Variants in PSD3 observed in about 807,000 individuals in gnomAD.
PSD3 encodes the protein PH and SEC7 domain-containing protein 3.
A neutral mutation model predicts 105.5 loss-of-function variants in PSD3; 49 were observed. The ratio of observed to expected loss-of-function variants is 0.46; its 90% CI spans 0.37 to 0.59. The LOEUF is 0.59. Ranked by LOEUF, PSD3 falls within the 20% of genes least tolerant of loss-of-function variation. The pLI, the probability that PSD3 is intolerant of heterozygous loss-of-function variation, is 0.00. For synonymous variants in PSD3, 557 were observed against 457.8 expected, an observed-to-expected ratio of 1.22 and a Z score of -2.77; for missense variants, 1,561 against 1,263.8, an observed-to-expected ratio of 1.24 and a Z score of -3.57.
chr8:18,767,807 G>C (rs887421556), intron 8 of PSD3, among the ~76,000 whole-genome samples: 6 of 151,894 alleles, frequency 4.0e-5, no homozygotes, highest in South Asian at 2.1e-4. Context: ...AAATATACCT[G>C]CATACACTAC....
intron 2 of PSD3, among the ~76,000 whole-genome samples, chr8:18,894,509 TGTCAGTAATTTA>T (rs1310610745): frequency 6.6e-6 from 1 of 152,098 alleles, no homozygotes; most frequent in Admixed American, 6.6e-5. Flanking sequence ...AAGCAAAAGA[TGTCAGTAATTTA>T]GTCCATTCAG....
chr8:18,934,135 T>C (rs376269528), intron 2 of PSD3, among the ~76,000 whole-genome samples: 29 of 152,342 alleles, frequency 1.9e-4, no homozygotes, highest in African/African-American at 6.5e-4. Context: ...TCAAATATTC[T>C]GGAGTTATTA....
chr8:19,084,658 G>C, exon 1 of PSD3: 1 of 340,282 alleles, frequency 2.9e-6, no homozygotes, highest in South Asian at 2.2e-5. Flanking sequence ...TCCGGATCCT[G>C]GGATTTTTTC....
chr8:18,950,742 A>G (rs753350312), intron 1 of PSD3, among the ~76,000 whole-genome samples: 3 of 152,142 alleles, frequency 2.0e-5, no homozygotes, highest in Non-Finnish European at 2.9e-5. Flanking sequence ...TTATATATAC[A>G]TAATATAAAA....
chr8:18,917,842 T>G (rs1358837322), intron 2 of PSD3, among the ~76,000 whole-genome samples: 1 of 152,186 alleles, frequency 6.6e-6, no homozygotes, highest in African/African-American at 2.4e-5. Flanking sequence ...ACATACAAGC[T>G]GTGAATCATC....
intron 1 of PSD3, among the ~76,000 whole-genome samples, chr8:19,008,138 C>A (rs1369500691): frequency 6.6e-6 from 1 of 152,210 alleles, no homozygotes; most frequent in Non-Finnish European, 1.5e-5. Flanking sequence ...GCCATGGCGC[C>A]CGGCCAAGGG....
chr8:18,956,201 G>C (rs969991399), intron 1 of PSD3, among the ~76,000 whole-genome samples: 5 of 152,220 alleles, frequency 3.3e-5, no homozygotes, highest in African/African-American at 1.2e-4. Flanking sequence ...CTTAGAAAAT[G>C]AGAGCTAGGC....
chr8:18,803,618 G>A (rs1324026003), intron 6 of PSD3, among the ~76,000 whole-genome samples: 1 of 152,040 alleles, frequency 6.6e-6, no homozygotes, highest in African/African-American at 2.4e-5. Flanking sequence ...AGAACGGGAA[G>A]ACATTCTGAT....
intron 9 of PSD3, chr8:18,733,105 A>G (rs1250623456): frequency 6.6e-6 from 1 of 152,174 alleles, no homozygotes; most frequent in Non-Finnish European, 1.5e-5. Context: ...AAGAGAACAA[A>G]TGAAGGAGAA....
chr8:18,538,559 T>G (rs983417063), intron 15 of PSD3, among the ~76,000 whole-genome samples: 5 of 152,084 alleles, frequency 3.3e-5, no homozygotes, highest in African/African-American at 1.2e-4. Flanking sequence ...AAAGGTAAGT[T>G]TAAAAATAGA....
chr8:18,606,002 CG>C (rs1804799117), intron 11 of PSD3, among the ~76,000 whole-genome samples: 1 of 152,136 alleles, frequency 6.6e-6, no homozygotes, highest in Non-Finnish European at 1.5e-5. Flanking sequence ...TATCCAGTCT[CG>C]GGTATTTCTT....
intron 8 of PSD3, among the ~76,000 whole-genome samples, chr8:18,795,570 T>C (rs1460039469): frequency 6.6e-6 from 1 of 152,244 alleles, no homozygotes; most frequent in Admixed American, 6.5e-5. Flanking sequence ...TGTGACTTTC[T>C]AGTTGTGGAA....
At chr8:18,709,294 C>G (rs1802096084) in intron 9 of PSD3, among the ~76,000 whole-genome samples, 1 of 152,154 alleles carries the variant, frequency 6.6e-6, no homozygotes, top group African/African-American at 2.4e-5. Flanking sequence ...CAGGGTCTCC[C>G]CACATGAATT....
At chr8:19,062,039 G>C (rs1042931780) in intron 1 of PSD3, among the ~76,000 whole-genome samples, 6 of 152,106 alleles carry the variant, frequency 3.9e-5, no homozygotes, top group Non-Finnish European at 8.8e-5. Flanking sequence ...CAATGAAACT[G>C]TGAACTCTTT....
Position 18,804,536 on chromosome 8 carries a change from C to T in PSD3, c.1896G>A (p.Leu632=). ...CTTAGTCATACCTGAGTGACTGATC[C>T]AGCGTCATTCCTGTAAAATCAAAAA... ...LKFFDFTGMT[L]DQSLRYFFKA... is the part of the protein sequence containing the mutation. Residue 632 remains leucine, a synonymous_variant, in exon 6 of 16, where the codon CTG becomes CTA. Transcript: ENST00000327040. 6.2e-7 allele frequency: 1 copy of T among 1,611,366 alleles called. No homozygotes were observed. Among genetic ancestry groups the T allele is most frequent in the South Asian group, 1.1e-5 (1 of 90,972 alleles).
chr8:18,875,211 A>C lies in PSD3; in HGVS notation c.131-2478T>G, dbSNP rs148117388. Among the ~76,000 whole-genome samples, 848 of 152,124 alleles carry C rather than the reference A, an allele frequency of 5.6e-3. 8 individuals are homozygous for C. The highest frequency in any genetic ancestry group is 0.019 in the African/African-American group (800 of 41,484). On this transcript the variant is annotated intron_variant, in intron 2 of 15. Coordinates refer to ENST00000327040, the MANE Select transcript of PSD3 (RefSeq NM_015310.4). The stretch of plus-strand genomic sequence containing the variant: ...CACATGAGCCACCATGCCTGGCCTG[A>C]AATATATTCTTAAAATTAAATCTGA...
rs1179192463 is a variant in PSD3, at chr8:18,652,323, G to A, written c.2216+3319C>T. Reference sequence around the variant, plus strand: ...AGAGTGAATTGCAATTGCTGAGGAGGAGACTACATTGGAAGAAGACAATTC... The same window carrying A: ...AGAGTGAATTGCAATTGCTGAGGAGAAGACTACATTGGAAGAAGACAATTC... On this transcript the variant is annotated intron_variant, in intron 10 of 15. Coordinates refer to ENST00000327040, the MANE Select transcript of PSD3 (RefSeq NM_015310.4). Among the ~76,000 whole-genome samples, 4 of 152,176 alleles carry A rather than the reference G, an allele frequency of 2.6e-5. No homozygotes were observed. In the East Asian group the frequency reaches 5.8e-4, roughly 22 times the overall value.
chr8:18,915,396 G>A (rs1055191491), intron 2 of PSD3, among the ~76,000 whole-genome samples: 1 of 152,072 alleles, frequency 6.6e-6, no homozygotes, highest in South Asian at 2.1e-4. Flanking sequence ...CAATTGTCAG[G>A]GTGAAAAGAC....
chr8:18,712,420 TA>T (rs1323760362), intron 9 of PSD3, among the ~76,000 whole-genome samples: 4 of 151,106 alleles, frequency 2.6e-5, no homozygotes, highest in Non-Finnish European at 4.4e-5. Context: ...ATACACACAA[TA>T]AAAATGATAA....
Sources: gnomAD v4.1 joint callset for allele counts (sites outside exome capture counted in the v4.1 genomes callset) on GRCh38, gnomAD v4.1.1 for gene constraint, MANE v1.5 for transcripts, NCBI Gene and HGNC (gene_info 2026-07-23, HGNC 2026-07-21) for gene names.